Variants in TENM3 observed in about 807,000 individuals in gnomAD.
The protein encoded by TENM3 is teneurin-3.
TENM3 carries 63 observed loss-of-function variants against 255.1 expected under a neutral mutation model. The observed-to-expected ratio is 0.25, with a 90% CI of 0.20 to 0.30. The LOEUF (loss-of-function observed/expected upper bound fraction) is 0.30, where lower values mean the gene tolerates loss of function less well. Among genes scored for constraint, TENM3 ranks in the 10% least tolerant of loss-of-function variants. TENM3 has a pLI of 1.00. For synonymous variants in TENM3, 1,306 were observed against 1,322.3 expected, an observed-to-expected ratio of 0.99 and a Z score of 0.27; for missense variants, 2,929 against 3,461.1, an observed-to-expected ratio of 0.85 and a Z score of 3.86.
the TENM3 span, among the ~76,000 whole-genome samples, chr4:181,652,502 C>T: frequency 6.6e-6 from 1 of 152,190 alleles, no homozygotes; most frequent in African/African-American, 2.4e-5. Context: ...TTTGTATTCT[C>T]ATTATCAGCA....
the TENM3 span, among the ~76,000 whole-genome samples, chr4:181,666,820 T>TA: frequency 6.6e-6 from 1 of 152,148 alleles, no homozygotes. Context: ...ACTCTACAGA[T>TA]AACACATCCC....
At chr4:182,676,422 TC>T (rs1192189458) in intron 7 of TENM3, among the ~76,000 whole-genome samples, 3 of 152,184 alleles carry the variant, frequency 2.0e-5, no homozygotes, top group African/African-American at 7.2e-5. Context: ...CCTTGCAGAG[TC>T]CCTTCTCTGA....
chr4:181,595,430 C>CAAAAAAAAAAA, the TENM3 span, among the ~76,000 whole-genome samples: 2 of 41,806 alleles, frequency 4.8e-5, no homozygotes, highest in Non-Finnish European at 9.8e-5. Flanking sequence ...GACTCCATCC[C>CAAAAAAAAAAA]AAAAAAAAAA....
chr4:182,299,009 A>AAAAAAAAAAAAAAAAAAAAAC, intron 1 of TENM3, among the ~76,000 whole-genome samples: 1 of 87,908 alleles, frequency 1.1e-5, no homozygotes, highest in Middle Eastern at 5.4e-3. Context: ...AAAAAAAAAA[A>AAAAAAAAAAAAAAAAAAAAAC]AAAAAAAGAG....
At chr4:181,556,872 C>T in the TENM3 span, among the ~76,000 whole-genome samples, 1 of 152,002 alleles carries the variant, frequency 6.6e-6, no homozygotes, top group African/African-American at 2.4e-5. Context: ...CATAGTATAC[C>T]AAATTCAGCG....
At chr4:181,968,844 T>A in the TENM3 span, among the ~76,000 whole-genome samples, 3 of 152,240 alleles carry the variant, frequency 2.0e-5, no homozygotes, top group East Asian at 1.9e-4. Context: ...TAAATTTTTT[T>A]AAAAATTGGA....
the TENM3 span, among the ~76,000 whole-genome samples, chr4:181,832,018 A>G: frequency 4.8e-4 from 43 of 89,126 alleles, no homozygotes; most frequent in African/African-American, 6.7e-4. Context: ...GTGTGTGTGT[A>G]TAAAATGTAA....
chr4:182,705,620 C>T (rs1340541868), intron 12 of TENM3, among the ~76,000 whole-genome samples: 3 of 152,172 alleles, frequency 2.0e-5, no homozygotes, highest in Non-Finnish European at 4.4e-5. Context: ...GCCTTTGTTG[C>T]TTCTCTGTGT....
At chr4:181,901,542 C>T in the TENM3 span, among the ~76,000 whole-genome samples, 6 of 152,204 alleles carry the variant, frequency 3.9e-5, no homozygotes, top group East Asian at 1.9e-4. Context: ...ATGGAAATTA[C>T]TCAATATGTC....
At chr4:182,190,647 T>G (rs1161804534) in intron 1 of TENM3, among the ~76,000 whole-genome samples, 2 of 152,210 alleles carry the variant, frequency 1.3e-5, no homozygotes, top group African/African-American at 4.8e-5. Context: ...CCAGATTGTT[T>G]CCAAGCTCTG....
chr4:182,276,335 A>C (rs1177150290), intron 1 of TENM3, among the ~76,000 whole-genome samples: 1 of 152,230 alleles, frequency 6.6e-6, no homozygotes, highest in Non-Finnish European at 1.5e-5. Flanking sequence ...AACGGTTATC[A>C]GGTAACCATA....
At chr4:182,284,775 C>G (rs866016267) in intron 1 of TENM3, among the ~76,000 whole-genome samples, 4 of 152,264 alleles carry the variant, frequency 2.6e-5, no homozygotes, top group African/African-American at 9.6e-5. Flanking sequence ...GTGAATTATT[C>G]AGAACACCGA....
chr4:182,349,638 C>T (rs1354308250), intron 3 of TENM3, among the ~76,000 whole-genome samples: 5 of 152,010 alleles, frequency 3.3e-5, no homozygotes, highest in Non-Finnish European at 1.5e-5. Context: ...TATAAATAAT[C>T]GTCTCAAAAC....
chr4:182,027,313 T>C, the TENM3 span, among the ~76,000 whole-genome samples: 1 of 152,188 alleles, frequency 6.6e-6, no homozygotes, highest in Non-Finnish European at 1.5e-5. Context: ...CTGATTTTTG[T>C]ATGTTGATTT....
At chr4:182,284,457 T>A (rs1760602489) in intron 1 of TENM3, among the ~76,000 whole-genome samples, 1 of 152,226 alleles carries the variant, frequency 6.6e-6, no homozygotes, top group African/African-American at 2.4e-5. Context: ...ATCGTACTGG[T>A]CAGCATTATA....
At chr4:182,461,167 T>A (rs2151389223) in intron 3 of TENM3, among the ~76,000 whole-genome samples, 1 of 152,344 alleles carries the variant, frequency 6.6e-6, no homozygotes, top group East Asian at 1.9e-4. Context: ...CCTTAAACTT[T>A]TCTCTTTAAT....
intron 3 of TENM3, among the ~76,000 whole-genome samples, chr4:182,570,514 A>T (rs930006542): frequency 6.6e-6 from 1 of 152,208 alleles, no homozygotes; most frequent in Non-Finnish European, 1.5e-5. Flanking sequence ...AAGAACTAGG[A>T]TTCAAACCCA....
At chr4:181,603,402 A>G in the TENM3 span, among the ~76,000 whole-genome samples, 2 of 152,310 alleles carry the variant, frequency 1.3e-5, no homozygotes, top group South Asian at 2.1e-4. Flanking sequence ...TATTGTCATT[A>G]TTAGCACTTC....
chr4:182,205,879 T>C (rs1754528249), intron 1 of TENM3, among the ~76,000 whole-genome samples: 1 of 152,026 alleles, frequency 6.6e-6, no homozygotes, highest in Admixed American at 6.6e-5. Flanking sequence ...TTCGACAGAA[T>C]ATGAAAAAAT....
Sources: allele counts gnomAD v4.1 joint callset (sites outside exome capture counted in the v4.1 genomes callset), GRCh38; gene constraint gnomAD v4.1.1; transcripts MANE v1.5; gene names NCBI Gene and HGNC (gene_info 2026-07-23, HGNC 2026-07-21).